The following PPP1R9A variants were observed in gnomAD, a reference collection of about 807,000 sequenced individuals.
PPP1R9A encodes the protein neurabin-1.
Under a neutral mutation model 141.9 loss-of-function variants are expected in PPP1R9A, and 59 were observed. That is an observed-to-expected ratio of 0.42 (90% CI 0.34 to 0.52). The LOEUF (loss-of-function observed/expected upper bound fraction) is 0.52. PPP1R9A is among the 20% of genes least tolerant of loss of function. PPP1R9A has a pLI of 0.10. For synonymous variants in PPP1R9A, 500 were observed against 569.7 expected (o/e 0.88, Z 1.74); for missense variants, 1,444 against 1,611.9 (o/e 0.90, Z 1.78).
chr7:95,151,652 G>GT (rs530076715), intron 4 of PPP1R9A, among the ~76,000 whole-genome samples: 2,222 of 144,614 alleles, frequency 0.015, 31 homozygotes, highest in Non-Finnish European at 0.018. Flanking sequence ...GTCTTTAAAG[G>GT]TTTTTTTTTT....
intron 2 of PPP1R9A, among the ~76,000 whole-genome samples, chr7:94,983,053 C>T (rs1800325160): frequency 6.6e-6 from 1 of 152,146 alleles, no homozygotes; most frequent in Non-Finnish European, 1.5e-5. Context: ...CCAGTTTCCC[C>T]AGCAACATTT....
At chr7:95,140,522 C>G (rs749692275) in intron 4 of PPP1R9A, among the ~76,000 whole-genome samples, 1 of 152,082 alleles carries the variant, frequency 6.6e-6, no homozygotes, top group Non-Finnish European at 1.5e-5. Context: ...TCCCAAGTAG[C>G]TGGGACTACA....
At chr7:95,202,766 A>G (rs1238482664) in intron 6 of PPP1R9A, 2 of 177,686 alleles carry the variant, frequency 1.1e-5, no homozygotes, top group Non-Finnish European at 2.2e-5. Flanking sequence ...TGTAGTGTGT[A>G]TATATTATGA....
chr7:94,983,788 T>C (rs1800439215), intron 2 of PPP1R9A, among the ~76,000 whole-genome samples: 1 of 152,246 alleles, frequency 6.6e-6, no homozygotes, highest in South Asian at 2.1e-4. Context: ...AGGGACAGTT[T>C]GACTTCCTCG....
chr7:94,970,293 A>G (rs1798716197), intron 2 of PPP1R9A, among the ~76,000 whole-genome samples: 1 of 151,940 alleles, frequency 6.6e-6, no homozygotes, highest in South Asian at 2.1e-4. Flanking sequence ...CCAAAGGGAA[A>G]CTCCTGGTCT....
intron 4 of PPP1R9A, among the ~76,000 whole-genome samples, chr7:95,146,671 G>A (rs1048918896): frequency 1.6e-4 from 24 of 152,126 alleles, no homozygotes; most frequent in Admixed American, 3.3e-4. Flanking sequence ...GTTAATTTTT[G>A]TATAAGGTGT....
At chr7:95,254,604 G>T (rs1799329970) in intron 12 of PPP1R9A, among the ~76,000 whole-genome samples, 1 of 152,168 alleles carries the variant, frequency 6.6e-6, no homozygotes, top group Non-Finnish European at 1.5e-5. Flanking sequence ...GTGGTAGGAT[G>T]AGTGGTTTAG....
intron 8 of PPP1R9A, among the ~76,000 whole-genome samples, chr7:95,230,937 A>G (rs531645563): frequency 1.9e-4 from 29 of 152,334 alleles, no homozygotes; most frequent in African/African-American, 6.3e-4. Context: ...AATGGCCTAA[A>G]TACTCCACCT....
At chr7:95,254,821 A>G (rs570440741) in intron 12 of PPP1R9A, among the ~76,000 whole-genome samples, 1 of 152,196 alleles carries the variant, frequency 6.6e-6, no homozygotes, top group Non-Finnish European at 1.5e-5. Context: ...ATTTTTGAGG[A>G]GTAAAACCTT....
intron 2 of PPP1R9A, among the ~76,000 whole-genome samples, chr7:95,049,355 C>A (rs1284697184): frequency 6.6e-6 from 1 of 152,104 alleles, no homozygotes. Context: ...AAAAAGAGGA[C>A]CCCACCTACT....
intron 4 of PPP1R9A, among the ~76,000 whole-genome samples, chr7:95,143,747 T>C (rs1827111910): frequency 6.6e-6 from 1 of 152,164 alleles, no homozygotes; most frequent in Admixed American, 6.5e-5. Flanking sequence ...CATTATTATC[T>C]AGCAAGTATA....
chr7:95,090,750 G>C (rs1817233633), intron 2 of PPP1R9A, among the ~76,000 whole-genome samples: 2 of 151,902 alleles, frequency 1.3e-5, no homozygotes, highest in Admixed American at 1.3e-4. Context: ...AGAGGTTACA[G>C]TAAGCTGAGA....
chr7:94,919,810 T>A (rs1792561497), intron 2 of PPP1R9A, among the ~76,000 whole-genome samples: 1 of 152,140 alleles, frequency 6.6e-6, no homozygotes, highest in African/African-American at 2.4e-5. Context: ...CTATTAAATA[T>A]CATTAACTAG....
Position 95,247,543 on chromosome 7 carries a change from G to T in PPP1R9A, c.2166+17G>T. 1 of 1,588,430 alleles carries T rather than the reference G, an allele frequency of 6.3e-7. No homozygotes were observed. Among genetic ancestry groups the T allele is most frequent in the South Asian group, 1.1e-5 (1 of 88,916 alleles). On this transcript the variant is annotated intron_variant, in intron 9 of 19. Transcript: ENST00000433360. The stretch of plus-strand genomic sequence containing the variant: ...AAGACCAAGGTAAGCACCGAAACAT[G>T]GTGTTTGAATTTTACTTTTTAAACT...
At chr7:95,148,671 C>G (rs1828078109) in intron 4 of PPP1R9A, among the ~76,000 whole-genome samples, 1 of 147,982 alleles carries the variant, frequency 6.8e-6, no homozygotes, top group Admixed American at 6.7e-5. Context: ...TGGTAAAACC[C>G]CAATTCTCTA....
chr7:94,941,163 G>C (rs2150946684), intron 2 of PPP1R9A, among the ~76,000 whole-genome samples: 1 of 152,276 alleles, frequency 6.6e-6, no homozygotes. Context: ...TGGGAGTAGA[G>C]AGGGGAAGAA....
rs187221219 is a variant in PPP1R9A, at chr7:95,119,456, A to C, written c.1529-1256A>C. On this transcript the variant is annotated intron_variant, in intron 3 of 19. Transcript: ENST00000433360. ...ATGGACATTGAGGACATTGATATCCATGACTTATCTTTTTTTTAGACAGGG... is the reference window on the plus strand; with the variant it reads ...ATGGACATTGAGGACATTGATATCCCTGACTTATCTTTTTTTTAGACAGGG... Among the ~76,000 whole-genome samples the C allele has an allele frequency of 6.2e-4, 94 of 152,298 alleles. 1 individual carries two copies. The highest frequency in any genetic ancestry group is 2.1e-3 in the African/African-American group (88 of 41,578).
chr7:95,023,897 C>T (rs1455642933), intron 2 of PPP1R9A, among the ~76,000 whole-genome samples: 1 of 152,190 alleles, frequency 6.6e-6, no homozygotes, highest in Non-Finnish European at 1.5e-5. Context: ...GATTTTAGAT[C>T]TTTCCTGCTT....
chr7:95,246,608 G>T (rs139879599), intron 8 of PPP1R9A, among the ~76,000 whole-genome samples: 2 of 152,156 alleles, frequency 1.3e-5, no homozygotes, highest in South Asian at 2.1e-4. Context: ...AAGATACATC[G>T]TAACTACTTT....
Sources: allele counts gnomAD v4.1 joint callset (sites outside exome capture counted in the v4.1 genomes callset), GRCh38; gene constraint gnomAD v4.1.1; transcripts MANE v1.5; gene names NCBI Gene and HGNC (gene_info 2026-07-23, HGNC 2026-07-21).